ARHGAP45: variants seen among roughly 807,000 people sequenced by gnomAD.
ARHGAP45 encodes the protein Rho GTPase activating protein 45.
Under a neutral mutation model 116.1 loss-of-function variants are expected in ARHGAP45, and 56 were observed. The observed-to-expected ratio is 0.48, with a 90% CI of 0.39 to 0.60. ARHGAP45 has a LOEUF of 0.60. Among genes scored for constraint, ARHGAP45 ranks in the 20% least tolerant of loss-of-function variants. The pLI, the probability that ARHGAP45 is intolerant of heterozygous loss-of-function variation, is 0.00. For missense variants in ARHGAP45, 1,622 were observed against 1,601.0 expected (o/e 1.01, Z -0.22); for synonymous variants, 866 against 701.7 (o/e 1.23, Z -3.70).
chr19:1,076,875 C>T (rs1245665882), intron 10 of ARHGAP45: 7 of 211,296 alleles, frequency 3.3e-5, no homozygotes, highest in Non-Finnish European at 4.8e-5. Flanking sequence ...CACAGGTGTG[C>T]GCCACCACGT....
At position 1,068,303 on chromosome 19, in the gene ARHGAP45, T is replaced by G; in HGVS notation, c.91-111T>G. 2.1e-6 allele frequency: 2 copies of G among 939,066 alleles called. No homozygotes were observed. Among genetic ancestry groups the G allele is most frequent in the Admixed American group, 2.9e-5 (1 of 33,940 alleles). 58.2% of individuals were successfully genotyped at this position (939,066 alleles called of 1,614,324 possible). A position where few individuals can be genotyped will look rare whatever the true frequency, so the allele number is the denominator to read the frequency against. On this transcript the variant is annotated intron_variant, in intron 1 of 22. Coordinates refer to ENST00000313093, the MANE Select transcript of ARHGAP45 (RefSeq NM_012292.5). This position sits in a 1 kb window ranked among gnomAD's most constrained non-coding sequence, Gnocchi z 7.5. ...TGTGACCTCTGGCCTTTGACCCCTG[T>G]GGGGTCAGGGTGATGGTGGCCCTCC...
intron 10 of ARHGAP45, chr19:1,077,215 C>T: frequency 1.0e-6 from 1 of 985,330 alleles, no homozygotes; most frequent in Non-Finnish European, 1.2e-6. Flanking sequence ...AGCAAAAGAG[C>T]CCGGAGACGC....
intron 10 of ARHGAP45, among the ~76,000 whole-genome samples, 153 bp downstream of exon 10, chr19:1,075,032 C>CG (rs988230088): frequency 6.8e-5 from 9 of 133,066 alleles, no homozygotes; most frequent in South Asian, 2.3e-4. Context: ...GGGCCGCCCC[C>CG]CCCAACGCCA....
chr19:1,084,900 G>A (rs914676696), intron 22 of ARHGAP45, among the ~76,000 whole-genome samples: 1 of 152,148 alleles, frequency 6.6e-6, no homozygotes, highest in Admixed American at 6.5e-5. Context: ...TGACCAACAT[G>A]GTGAAATCCC....
In ARHGAP45 at chr19:1,077,894, G is replaced by C. The variant is rs1452221533; in HGVS notation, c.1223G>C (p.Gly408Ala). 1 of 1,554,578 alleles carries C rather than the reference G, an allele frequency of 6.4e-7. No homozygotes were observed. The highest frequency in any genetic ancestry group is 1.4e-5 in the African/African-American group (1 of 73,268). Residue 408 changes from glycine to alanine, a missense_variant, in exon 11 of 23, where the codon GGT becomes GCT. Physicochemically the swap from Gly to Ala is moderately conservative, Grantham distance 60. Coordinates refer to ENST00000313093, the MANE Select transcript of ARHGAP45 (RefSeq NM_012292.5). ...AESNLRKAKQ[G>A]YVQRCEDHDK... ...TCCAACCTGCGCAAGGCCAAGCAGG[G>C]TTACGTGCAGCGCTGCGAGGACCAC... is the stretch of plus-strand genomic sequence containing the variant.
rs777085777 is a variant in ARHGAP45 at position 1,083,126 on chromosome 19, C to T, written c.2745-17C>T. ...TCCCGGGAGCCGCTCAGCACCTGGC[C>T]CCTGCCCACCCCGCAGGATCGTGGA... On this transcript the variant is annotated splice_polypyrimidine_tract_variant and intron_variant, in intron 20 of 22. Coordinates refer to ENST00000313093, the MANE Select transcript of ARHGAP45 (RefSeq NM_012292.5). The T allele has an allele frequency of 1.3e-6, 2 of 1,596,368 alleles. No homozygotes were observed. The highest frequency in any genetic ancestry group is 1.3e-5 in the African/African-American group (1 of 74,566).
chr19:1,078,193 G>C lies in ARHGAP45; in HGVS notation c.1374+148G>C, dbSNP rs1443624013. 6.1e-6 allele frequency: 8 copies of C among 1,313,990 alleles called. No individual in the cohort carries two copies. The African/African-American group carries it at 1.0e-4, about 17-fold the overall frequency. The allele number at this position is 1,313,990 out of a possible 1,614,324, so 81.4% of individuals were successfully genotyped here. ...GAGTCTTGCTCTGTCGCCCAGGCTGGAGTGCAGTGGCACAGTCTCGGCTCA... is the reference window on the plus strand; with the variant it reads ...GAGTCTTGCTCTGTCGCCCAGGCTGCAGTGCAGTGGCACAGTCTCGGCTCA... On this transcript the variant is annotated intron_variant, in intron 11 of 22. Coordinates refer to ENST00000313093, the MANE Select transcript of ARHGAP45 (RefSeq NM_012292.5).
Position 1,073,596 on chromosome 19 carries a change from C to T in ARHGAP45, c.650+6C>T. 6.2e-7 allele frequency: 1 copy of T among 1,613,702 alleles called. No individual in the cohort carries two copies. Among genetic ancestry groups the T allele is most frequent in the Non-Finnish European group, 8.5e-7 (1 of 1,179,820 alleles). ...GCTGTGGCCTTCAGTAGCACGTGAG[C>T]ACGGGAGCCTGTGGGGCAGGGCAAG... On this transcript the variant is annotated splice_donor_region_variant and intron_variant, in intron 4 of 22. Coordinates refer to ENST00000313093, the MANE Select transcript of ARHGAP45 (RefSeq NM_012292.5).
Position 1,086,200 on chromosome 19 carries a change from A to G in ARHGAP45, c.*194A>G, listed in dbSNP as rs1016528763. The G allele has an allele frequency of 6.7e-6, 4 of 598,038 alleles. No individual in the cohort carries two copies. Among genetic ancestry groups the G allele is most frequent in the Non-Finnish European group, 1.2e-5 (4 of 336,576 alleles). The allele number at this position is 598,038 out of a possible 1,614,324, so 37.0% of individuals were successfully genotyped here. On this transcript the variant is annotated 3_prime_UTR_variant, in exon 23 of 23. Coordinates refer to ENST00000313093, the MANE Select transcript of ARHGAP45 (RefSeq NM_012292.5). The stretch of plus-strand genomic sequence containing the variant: ...GAGCACGAGGGCCTTGCGGCACAGG[A>G]CTGTGCCCTGTGCTGTCCCCTGCAC...
At chr19:1,073,631 G>C (rs1441187924) in intron 4 of ARHGAP45, 41 bp downstream of exon 4, 2 of 1,612,036 alleles carry the variant, frequency 1.2e-6, no homozygotes, top group African/African-American at 2.7e-5. Context: ...GGGAGCGTGG[G>C]GGGCCCGGGT....
intron 22 of ARHGAP45, among the ~76,000 whole-genome samples, chr19:1,084,772 T>C (rs2043553503): frequency 6.6e-6 from 1 of 152,170 alleles, no homozygotes; most frequent in African/African-American, 2.4e-5. Flanking sequence ...CTGTGTTGTC[T>C]GTCTTCACAC....
In ARHGAP45 at chr19:1,074,156, C is replaced by T. The variant is rs2145031990; in HGVS notation, c.843C>T (p.Gly281=). 6.2e-7 allele frequency: 1 copy of T among 1,613,378 alleles called. No individual in the cohort carries two copies. Among genetic ancestry groups the T allele is most frequent in the South Asian group, 1.1e-5 (1 of 91,082 alleles). Residue 281 remains glycine, a synonymous_variant, in exon 7 of 23, where the codon GGC becomes GGT. Transcript: ENST00000313093. ...VDVLLQRCEG[G]VDAALLYAKN... The stretch of plus-strand genomic sequence containing the variant: ...TGCTGCTACAGCGCTGTGAGGGGGG[C>T]GTGGATGCCGCACTGCTGTATGCCA...
rs573133189 is a variant in ARHGAP45, at chr19:1,075,317, T to C, written c.1185+438T>C. On this transcript the variant is annotated intron_variant, in intron 10 of 22. Coordinates refer to ENST00000313093, the MANE Select transcript of ARHGAP45 (RefSeq NM_012292.5). ...GAGTGCCATGGCACCATCTAGGCTT[T>C]CACTGCAACCTCCATCTCCCTGGTT... 1.1e-4 allele frequency among the ~76,000 whole-genome samples: 16 copies of C among 150,048 alleles called. No homozygotes were observed. In the East Asian group the frequency reaches 2.9e-3, roughly 28 times the overall value.
Position 1,083,201 on chromosome 19 carries a change from G to C in ARHGAP45, c.2803G>C (p.Gly935Arg). ...MTPGNLGIVF[G>R]PTLLRPRPTE... ...CCCCGGGAACCTGGGCATCGTGTTCGGGCCCACGCTGCTTCGGCCACGGCC... is the reference window on the plus strand; with the variant it reads ...CCCCGGGAACCTGGGCATCGTGTTCCGGCCCACGCTGCTTCGGCCACGGCC... Residue 935 changes from glycine to arginine, a missense_variant, in exon 21 of 23, where the codon GGG (glycine) becomes CGG (arginine). By Grantham distance (125) the Gly-to-Arg change is moderately radical. This residue lies in a region of ARHGAP45 where 1,334 missense variants were observed against 1,263.8 expected (regional missense o/e 1.06). Transcript: ENST00000313093. 1 of 1,611,128 alleles carries C rather than the reference G, an allele frequency of 6.2e-7. No individual in the cohort carries two copies. The highest frequency in any genetic ancestry group is 8.5e-7 in the Non-Finnish European group (1 of 1,179,308).
intron 6 of ARHGAP45, 37 bp downstream of exon 6, chr19:1,074,051 G>A (rs371101138): frequency 1.2e-6 from 2 of 1,603,638 alleles, no homozygotes; most frequent in African/African-American, 1.3e-5. Context: ...GCATTTGAGG[G>A]GTGGGCCATT....
At chr19:1,067,801 G>T (rs575089327) in intron 1 of ARHGAP45, 2 of 618,360 alleles carry the variant, frequency 3.2e-6, no homozygotes, top group South Asian at 1.8e-5. Flanking sequence ...CAGGTTGGGG[G>T]CTTAGGCAAT....
chr19:1,072,944 G>A (rs2043166888), intron 2 of ARHGAP45, among the ~76,000 whole-genome samples: 1 of 152,176 alleles, frequency 6.6e-6, no homozygotes, highest in Non-Finnish European at 1.5e-5. Context: ...CTAGGCCAAC[G>A]TCTGGCCTTT....
rs773834631 is a variant in ARHGAP45 at position 1,079,914 on chromosome 19, G to C, written c.1513-14G>C. 4 of 1,601,792 alleles carry C rather than the reference G, an allele frequency of 2.5e-6. No individual in the cohort carries two copies. Among genetic ancestry groups the C allele is most frequent in the East Asian group, 2.2e-5 (1 of 44,546 alleles). ...CCTCCTCCTGACCCCTCCGCTCTCC[G>C]GTGCCGCCCGCAGGCCACGATCTCC... On this transcript the variant is annotated splice_polypyrimidine_tract_variant and intron_variant, in intron 12 of 22. Coordinates refer to ENST00000313093, the MANE Select transcript of ARHGAP45 (RefSeq NM_012292.5).
At position 1,067,335 on chromosome 19, in the gene ARHGAP45, C is replaced by G. The variant is rs2043054643; in HGVS notation, c.-71C>G. 23 of 1,462,304 alleles carry G rather than the reference C, an allele frequency of 1.6e-5. No homozygotes were observed. In the South Asian group the frequency reaches 2.8e-4, roughly 18 times the overall value. 90.6% of individuals were successfully genotyped at this position (1,462,304 alleles called of 1,614,324 possible). A position where few individuals can be genotyped will look rare whatever the true frequency, so the allele number is the denominator to read the frequency against. ...GGCCGGCGACAATGTGGTCCCGAAG[C>G]GGCCAGCGCCGGGAGCTGCAGCGCT... On this transcript the variant is annotated 5_prime_UTR_variant, in exon 1 of 23. Transcript: ENST00000313093.
Sources: allele counts gnomAD v4.1 joint callset (sites outside exome capture counted in the v4.1 genomes callset), GRCh38; gene constraint gnomAD v4.1.1; regional missense constraint gnomAD v4.1.1; non-coding constraint Gnocchi (gnomAD v3.1); transcripts MANE v1.5; gene names NCBI Gene and HGNC (gene_info 2026-07-23, HGNC 2026-07-21).